The following ELF1 variants were observed in gnomAD, a reference collection of about 807,000 sequenced individuals.
The protein encoded by ELF1 is E74 like ETS transcription factor 1.
Under a neutral mutation model 59.9 loss-of-function variants are expected in ELF1, and 24 were observed. The ratio of observed to expected loss-of-function variants is 0.40; its 90% CI spans 0.29 to 0.56. The LOEUF is 0.56. Ranked by LOEUF, ELF1 falls within the 20% of genes least tolerant of loss-of-function variation. The pLI is 0.44. For synonymous variants in ELF1, 248 were observed against 266.2 expected (o/e 0.93, Z 0.67); for missense variants, 627 against 742.2 (o/e 0.84, Z 1.80).
chr13:41,019,427 G>A, upstream of ELF1: 1 of 984,420 alleles, frequency 1.0e-6, no homozygotes, highest in Non-Finnish European at 1.2e-6. Flanking sequence ...GGTCAAACAT[G>A]CAAATCTGCA....
intron 1 of ELF1, among the ~76,000 whole-genome samples, chr13:41,057,652 A>G (rs1877338023): frequency 1.3e-5 from 2 of 152,184 alleles, no homozygotes; most frequent in Admixed American, 1.3e-4. Context: ...GATTACAAGC[A>G]TAAGCCACCA....
At chr13:40,966,408 T>G (rs1419478958) in intron 2 of ELF1, among the ~76,000 whole-genome samples, 2 of 152,176 alleles carry the variant, frequency 1.3e-5, no homozygotes, top group Non-Finnish European at 2.9e-5. Flanking sequence ...ATAATAAAAT[T>G]CAAACCAAGT....
At chr13:40,973,799 G>C (rs1872732581) in intron 2 of ELF1, among the ~76,000 whole-genome samples, 1 of 151,892 alleles carries the variant, frequency 6.6e-6, no homozygotes, top group Non-Finnish European at 1.5e-5. Context: ...AATAAAATGT[G>C]GTATATCCAT....
chr13:40,957,104 G>A (rs924791018), intron 3 of ELF1, among the ~76,000 whole-genome samples: 2 of 101,058 alleles, frequency 2.0e-5, no homozygotes, highest in African/African-American at 5.4e-5. Context: ...ATATCTTACT[G>A]TATGACTGTA....
intron 1 of ELF1, among the ~76,000 whole-genome samples, chr13:41,054,690 C>T (rs1253733199): frequency 6.6e-6 from 1 of 152,100 alleles, no homozygotes; most frequent in Non-Finnish European, 1.5e-5. Flanking sequence ...AGAGTAGAAG[C>T]AAGGAGAGAT....
At chr13:41,057,112 C>A (rs1210700220) in intron 1 of ELF1, among the ~76,000 whole-genome samples, 1 of 151,502 alleles carries the variant, frequency 6.6e-6, no homozygotes, top group Non-Finnish European at 1.5e-5. Context: ...CTTTAAATAC[C>A]AGCGTTCATC....
intron 5 of ELF1, among the ~76,000 whole-genome samples, chr13:40,948,688 G>C (rs1292327415): frequency 6.6e-6 from 1 of 152,198 alleles, no homozygotes; most frequent in East Asian, 1.9e-4. Context: ...ACTTTAGAAT[G>C]CAAGTGTGGT....
chr13:41,043,743 C>T (rs891383636), intron 1 of ELF1, among the ~76,000 whole-genome samples: 1 of 152,160 alleles, frequency 6.6e-6, no homozygotes, highest in African/African-American at 2.4e-5. Flanking sequence ...CGTGATGCCT[C>T]CAGCTTTGTT....
intron 1 of ELF1, among the ~76,000 whole-genome samples, chr13:40,997,385 G>A (rs1015670985): frequency 6.6e-6 from 1 of 152,000 alleles, no homozygotes; most frequent in East Asian, 1.9e-4. Context: ...TGCCTCCCGA[G>A]TAGCTGGGAC....
At chr13:40,948,383 G>T (rs1467710270) in intron 5 of ELF1, among the ~76,000 whole-genome samples, 1 of 152,146 alleles carries the variant, frequency 6.6e-6, no homozygotes, top group Admixed American at 6.5e-5. Context: ...ACATGCTGAG[G>T]TCTCTGTCCG....
chr13:41,054,716 T>C (rs185755775), intron 1 of ELF1, among the ~76,000 whole-genome samples: 29 of 152,312 alleles, frequency 1.9e-4, no homozygotes, highest in Non-Finnish European at 3.1e-4. Context: ...GAGATTATTA[T>C]TGGACTGCGG....
At chr13:41,011,941 G>A (rs1054841341) in intron 1 of ELF1, among the ~76,000 whole-genome samples, 4 of 151,920 alleles carry the variant, frequency 2.6e-5, no homozygotes, top group Admixed American at 6.6e-5. Context: ...TTTTACTACC[G>A]GTCAAATTAA....
At chr13:41,037,585 AG>A (rs1876436737) in intron 1 of ELF1, among the ~76,000 whole-genome samples, 1 of 152,128 alleles carries the variant, frequency 6.6e-6, no homozygotes, top group Non-Finnish European at 1.5e-5. Context: ...TCATGAGGTC[AG>A]GAGTTTGAGA....
At chr13:40,939,431 T>A (rs1320617298) in intron 8 of ELF1, among the ~76,000 whole-genome samples, 1 of 152,190 alleles carries the variant, frequency 6.6e-6, no homozygotes, top group Admixed American at 6.5e-5. Flanking sequence ...ATATTTTGAA[T>A]ACAGATGCTA....
At chr13:40,982,895 G>A (rs965087073) in intron 1 of ELF1, 1 of 984,622 alleles carries the variant, frequency 1.0e-6, no homozygotes, top group African/African-American at 1.7e-5. Flanking sequence ...CTTTTTTAAT[G>A]CACTGAAATG....
chr13:41,031,183 GA>G (rs1876147985), intron 1 of ELF1, among the ~76,000 whole-genome samples: 1 of 148,888 alleles, frequency 6.7e-6, no homozygotes, highest in Non-Finnish European at 1.5e-5. Flanking sequence ...AAGAAAGAAA[GA>G]AAAAAAGAAA....
chr13:40,983,491 TC>T (rs1873392862), intron 1 of ELF1, among the ~76,000 whole-genome samples: 1 of 152,160 alleles, frequency 6.6e-6, no homozygotes, highest in Admixed American at 6.5e-5. Flanking sequence ...ACTGTGATTT[TC>T]CTAGCAAGAA....
rs1262171600 is a variant in ELF1 at position 40,933,992 on chromosome 13, C to G, written c.1293G>C (p.Val431=). The G allele has an allele frequency of 6.2e-7, 1 of 1,614,072 alleles. No homozygotes were observed. Among genetic ancestry groups the G allele is most frequent in the East Asian group, 2.2e-5 (1 of 44,894 alleles). The change falls in exon 9 of 9, where the codon GTG becomes GTC. Residue 431 remains valine, a synonymous_variant. Transcript: ENST00000239882. ...TATGCAACTGCTGATTCCTAGGAGA[C>G]ACAACCACTGGAACTTGGGTTGGAG... ...IQAPTQVPVV[V]SPRNQQLHTV...
intron 1 of ELF1, among the ~76,000 whole-genome samples, chr13:41,056,481 T>C (rs1164626284): frequency 6.6e-6 from 1 of 152,230 alleles, no homozygotes; most frequent in East Asian, 1.9e-4. Flanking sequence ...TCATTTCTAC[T>C]GGGTACACAC....
Sources: allele counts gnomAD v4.1 joint callset (sites outside exome capture counted in the v4.1 genomes callset), GRCh38; gene constraint gnomAD v4.1.1; transcripts MANE v1.5; gene names NCBI Gene and HGNC (gene_info 2026-07-23, HGNC 2026-07-21).